MAP1S: variants seen among roughly 807,000 people sequenced by gnomAD.
MAP1S encodes the protein microtubule-associated protein 1S.
A neutral mutation model predicts 60.9 loss-of-function variants in MAP1S; 27 were observed. The ratio of observed to expected loss-of-function variants is 0.44; its 90% CI spans 0.33 to 0.61. The LOEUF (loss-of-function observed/expected upper bound fraction) is 0.61. MAP1S is among the 20% of genes least tolerant of loss of function. The pLI, the probability that MAP1S is intolerant of heterozygous loss-of-function variation, is 0.03. For synonymous variants in MAP1S, 826 were observed against 694.2 expected (o/e 1.19, Z -2.98); for missense variants, 1,608 against 1,486.6 (o/e 1.08, Z -1.34).
rs766560592 is a variant in MAP1S, at chr19:17,722,753, AAGAG to A, written c.221-1360_221-1357del. On this transcript the variant is annotated intron_variant, in intron 2 of 6. Transcript: ENST00000324096. ...AATAGAGGGAGATTCCATCTCAAAA[AAGAG>A]AGAGAGAGAGAGGGAGGGAGGGAGG... is the stretch of plus-strand genomic sequence containing the variant. Among the ~76,000 whole-genome samples, 143 of 125,836 alleles carry A rather than the reference AAGAG, an allele frequency of 1.1e-3. 1 individual carries two copies. The East Asian group carries it at 0.017, about 15-fold the overall frequency. The allele number at this position is 125,836 out of a possible 152,430, so 82.6% of individuals were successfully genotyped here.
chr19:17,728,257 C>A, intron 5 of MAP1S, 85 bp downstream of exon 5: 1 of 1,407,060 alleles, frequency 7.1e-7, no homozygotes, highest in Non-Finnish European at 9.5e-7. Context: ...TTTACATTTT[C>A]AGTTTTTTTA....
intron 3 of MAP1S, 87 bp downstream of exon 3, chr19:17,724,295 C>A: frequency 1.8e-6 from 2 of 1,089,294 alleles, no homozygotes; most frequent in Non-Finnish European, 2.8e-6. Flanking sequence ...TGTCTTCATG[C>A]TGCCCCAGAT....
chr19:17,729,043 A>G (rs973402374), intron 5 of MAP1S: 1 of 152,172 alleles, frequency 6.6e-6, no homozygotes, highest in Non-Finnish European at 1.5e-5. Flanking sequence ...AAACAGTTGA[A>G]AATTTAAATA....
At position 17,726,239 on chromosome 19, in the gene MAP1S, G is replaced by A. The variant is rs1247216297; in HGVS notation, c.855G>A (p.Val285=). ...AGCTGGTGCGGCACCTGGACCGCGT[G>A]GATGCCGTGCTGGTGACCCACCCTG... The part of the protein sequence containing the change: ...FWKLVRHLDR[V]DAVLVTHPGA... Residue 285 remains valine, a synonymous_variant, in exon 5 of 7, where the codon GTG becomes GTA. Transcript: ENST00000324096. The A allele has an allele frequency of 1.2e-6, 2 of 1,608,138 alleles. No homozygotes were observed. Among genetic ancestry groups the A allele is most frequent in the African/African-American group, 2.7e-5 (2 of 74,844 alleles).
In MAP1S at chr19:17,728,165, C is replaced by T. The variant is rs1599464224; in HGVS notation, c.2781C>T (p.Gly927=). 5 of 1,588,350 alleles carry T rather than the reference C, an allele frequency of 3.1e-6. No individual in the cohort carries two copies. The highest frequency in any genetic ancestry group is 4.3e-6 in the Non-Finnish European group (5 of 1,164,028). ...KSSTPKTATR[G]PSGSASSRPG... ...CAACCCCCAAGACTGCCACTCGAGG[C>T]CCGTCGGGTGAGTACTGGAGCTGGG... The change falls in exon 5 of 7, where the codon GGC becomes GGT. Residue 927 remains glycine, a synonymous_variant. Transcript: ENST00000324096.
chr19:17,728,355 C>A (rs1480411580), intron 5 of MAP1S, among the ~76,000 whole-genome samples, 183 bp downstream of exon 5: 1 of 152,128 alleles, frequency 6.6e-6, no homozygotes, highest in East Asian at 1.9e-4. Flanking sequence ...GCTCAAGCCA[C>A]CCTCCCACCT....
chr19:17,719,727 G>C, intron 1 of MAP1S, 107 bp downstream of exon 1: 1 of 348,476 alleles, frequency 2.9e-6, no homozygotes, highest in Non-Finnish European at 4.1e-6. Context: ...GGCGGGACCC[G>C]GGCTCCGGGG....
Position 17,720,451 on chromosome 19 carries a change from C to G in MAP1S, c.119-485C>G, listed in dbSNP as rs915769378. 3 of 1,533,144 alleles carry G rather than the reference C, an allele frequency of 2.0e-6. No homozygotes were observed. The East Asian group carries it at 7.3e-5, about 38-fold the overall frequency. 95.0% of individuals were successfully genotyped at this position (1,533,144 alleles called of 1,614,324 possible). A position where few individuals can be genotyped will look rare whatever the true frequency, so the allele number is the denominator to read the frequency against. On this transcript the variant is annotated intron_variant, in intron 1 of 6. Transcript: ENST00000324096. The stretch of plus-strand genomic sequence containing the variant: ...CACAGGTCTGGTTTGGGGATGGACC[C>G]AAAGCGAGTGAGGAGATGGAACAAG...
At chr19:17,720,859 G>A in intron 1 of MAP1S, 77 bp from the exon 2 acceptor site, 1 of 1,140,098 alleles carries the variant, frequency 8.8e-7, no homozygotes, top group Non-Finnish European at 1.3e-6. Context: ...CCCCACCCAC[G>A]GGGTGCTAAT....
chr19:17,723,035 C>G (rs73924329), intron 2 of MAP1S, among the ~76,000 whole-genome samples: 4,046 of 152,150 alleles, frequency 0.027, 163 homozygotes, highest in African/African-American at 0.091. Context: ...GGCTCTGGCT[C>G]CTTGCCACCC....
intron 1 of MAP1S, chr19:17,720,042 T>A (rs1022753223): frequency 2.3e-6 from 2 of 883,904 alleles, no homozygotes; most frequent in Non-Finnish European, 2.8e-6. Flanking sequence ...GAAGCAGATA[T>A]GGGGGAGGCT....
chr19:17,733,510 C>A, intron 6 of MAP1S, 82 bp downstream of exon 6: 1 of 1,212,670 alleles, frequency 8.2e-7, no homozygotes, highest in Non-Finnish European at 1.1e-6. Context: ...AGAGACTAAG[C>A]TGTGTTCCCC....
chr19:17,723,237 GC>G (rs2080387061), intron 2 of MAP1S, among the ~76,000 whole-genome samples: 2 of 152,120 alleles, frequency 1.3e-5, no homozygotes, highest in South Asian at 4.1e-4. Context: ...TCGAGCTCTG[GC>G]TCTCTGTCTG....
intron 2 of MAP1S, 84 bp from the exon 3 acceptor site, chr19:17,724,042 G>C (rs529345668): frequency 2.0e-6 from 2 of 993,522 alleles, no homozygotes; most frequent in South Asian, 1.3e-5. Context: ...TGATCCCTGG[G>C]TGGGTTCCCA....
chr19:17,733,091 C>G (rs1423373698), intron 5 of MAP1S, 102 bp from the exon 6 acceptor site: 3 of 721,692 alleles, frequency 4.2e-6, no homozygotes, highest in Non-Finnish European at 4.5e-6. Context: ...AGGCCTCCTG[C>G]TGAGGAGGGA....
Position 17,727,042 on chromosome 19 carries a change from A to C in MAP1S, c.1658A>C (p.Lys553Thr). Residue 553 changes from lysine (K) to threonine (T), a missense_variant, in exon 5 of 7, where the codon AAG becomes ACG. By Grantham distance (78) the Lys-to-Thr change is moderately conservative (BLOSUM62 -1). This residue lies in a region of MAP1S where 1,167 missense variants were observed against 961.4 expected (regional missense o/e 1.21). Transcript: ENST00000324096. The surrounding 1 kb of genome is among the most constrained non-coding windows in gnomAD (Gnocchi z 4.1). ...RAASSVPNLK[K>T]TNAQAAPKPR... ...GCCTCTTCTGTGCCCAACCTCAAGA[A>C]GACGAATGCCCAGGCGGCACCCAAG... The C allele has an allele frequency of 6.2e-7, 1 of 1,606,118 alleles. No individual in the cohort carries two copies. The highest frequency in any genetic ancestry group is 8.5e-7 in the Non-Finnish European group (1 of 1,177,310).
Position 17,727,315 on chromosome 19 carries a change from A to G in MAP1S, c.1931A>G (p.His644Arg). ...CCACGCACACCCTCCCCTGAGTCCC[A>G]CCGGAGCCCCGCAGAGGGCAGCGAG... ...PRPRTPSPESHRSPAEGSERL... is the reference protein window; with the variant it reads ...PRPRTPSPESRRSPAEGSERL... Residue 644 changes from histidine to arginine, a missense_variant, in exon 5 of 7, where the codon CAC becomes CGC. Physicochemically the swap from His to Arg is conservative, Grantham distance 29 (BLOSUM62 0). Transcript: ENST00000324096. The surrounding 1 kb of genome is among the most constrained non-coding windows in gnomAD (Gnocchi z 4.1). The G allele has an allele frequency of 6.3e-7, 1 of 1,591,452 alleles. No homozygotes were observed. The highest frequency in any genetic ancestry group is 8.5e-7 in the Non-Finnish European group (1 of 1,173,728).
rs776265315 is a variant in MAP1S, at chr19:17,734,451, A to G, written c.*23A>G. ...TAGCCCCATCGCCGACACGCCCCCCACTCAGCCCAGCCCGCCTGTCCCTAG... is the reference window on the plus strand; with the variant it reads ...TAGCCCCATCGCCGACACGCCCCCCGCTCAGCCCAGCCCGCCTGTCCCTAG... On this transcript the variant is annotated 3_prime_UTR_variant, in exon 7 of 7. Coordinates refer to ENST00000324096, the MANE Select transcript of MAP1S (RefSeq NM_018174.6). 2 of 1,590,046 alleles carry G rather than the reference A, an allele frequency of 1.3e-6. No individual in the cohort carries two copies. The highest frequency in any genetic ancestry group is 2.2e-5 in the South Asian group (2 of 89,350).
rs761607351 is a variant in MAP1S at position 17,725,787 on chromosome 19, G to A, written c.445-42G>A. The stretch of plus-strand genomic sequence containing the variant: ...CAGTTTTCCCACCGGGCTAGGTGTT[G>A]CCTGGCTCTAGGTGGTCCCTTACCA... On this transcript the variant is annotated intron_variant, in intron 4 of 6. Coordinates refer to ENST00000324096, the MANE Select transcript of MAP1S (RefSeq NM_018174.6). The surrounding 1 kb of genome is among the most constrained non-coding windows in gnomAD (Gnocchi z 4.2). 4.5e-6 allele frequency: 7 copies of A among 1,566,496 alleles called. No homozygotes were observed. Among genetic ancestry groups the A allele is most frequent in the Non-Finnish European group, 5.2e-6 (6 of 1,155,426 alleles).
Sources: allele counts gnomAD v4.1 joint callset (sites outside exome capture counted in the v4.1 genomes callset), GRCh38; gene constraint gnomAD v4.1.1; regional missense constraint gnomAD v4.1.1; non-coding constraint Gnocchi (gnomAD v3.1); transcripts MANE v1.5; gene names NCBI Gene and HGNC (gene_info 2026-07-23, HGNC 2026-07-21).